Variants in RIC8B observed in about 807,000 individuals in gnomAD.
RIC8B encodes chaperone Ric-8B.
A neutral mutation model predicts 57.5 loss-of-function variants in RIC8B; 16 were observed. The ratio of observed to expected loss-of-function variants is 0.28; its 90% CI spans 0.19 to 0.42. The LOEUF is 0.42. Ranked by LOEUF, RIC8B falls within the 10% of genes least tolerant of loss-of-function variation. The pLI is 1.00. For synonymous variants in RIC8B, 216 were observed against 250.8 expected (o/e 0.86, Z 1.31); for missense variants, 481 against 677.0 (o/e 0.71, Z 3.21).
chr12:106,883,175 T>C (rs1479903676), intron 9 of RIC8B, among the ~76,000 whole-genome samples: 2 of 152,034 alleles, frequency 1.3e-5, no homozygotes, highest in Non-Finnish European at 2.9e-5. Flanking sequence ...CCAATCCTAC[T>C]TTTACCTATC....
At chr12:106,783,087 C>T (rs1389326932) in intron 1 of RIC8B, among the ~76,000 whole-genome samples, 2 of 152,216 alleles carry the variant, frequency 1.3e-5, no homozygotes, top group Non-Finnish European at 2.9e-5. Context: ...CCCTCTACTT[C>T]AGCTACAGAG....
chr12:106,869,495 A>T (rs1017536485), intron 8 of RIC8B, among the ~76,000 whole-genome samples: 2 of 151,128 alleles, frequency 1.3e-5, no homozygotes, highest in African/African-American at 4.9e-5. Flanking sequence ...GTTGATCTCA[A>T]TCTCCCAACA....
intron 9 of RIC8B, among the ~76,000 whole-genome samples, chr12:106,885,689 T>C (rs1440228943): frequency 1.3e-5 from 2 of 152,164 alleles, no homozygotes; most frequent in African/African-American, 2.4e-5. Flanking sequence ...GTTTGGCCTG[T>C]GTGAATGAAG....
At chr12:106,861,651 C>A (rs1037237309) in intron 8 of RIC8B, among the ~76,000 whole-genome samples, 1 of 152,056 alleles carries the variant, frequency 6.6e-6, no homozygotes, top group Non-Finnish European at 1.5e-5. Context: ...ATAGAGGAAT[C>A]CTGCTTCTTT....
chr12:106,848,172 T>C (rs1373446217), intron 6 of RIC8B, among the ~76,000 whole-genome samples: 2 of 152,162 alleles, frequency 1.3e-5, no homozygotes, highest in African/African-American at 4.8e-5. Context: ...CATGCAAGTT[T>C]CTAGAAAAAG....
intron 2 of RIC8B, among the ~76,000 whole-genome samples, chr12:106,807,337 T>G (rs537318447): frequency 5.9e-5 from 9 of 152,376 alleles, no homozygotes; most frequent in Admixed American, 2.0e-4. Flanking sequence ...AAGTAATAGT[T>G]CTGAGATAAT....
At chr12:106,848,489 A>C (rs532586776) in intron 6 of RIC8B, among the ~76,000 whole-genome samples, 1 of 152,342 alleles carries the variant, frequency 6.6e-6, no homozygotes, top group Admixed American at 6.5e-5. Context: ...AGTGACCAGC[A>C]TGGAAGCAGA....
At chr12:106,814,498 G>A (rs1486495969) in intron 2 of RIC8B, among the ~76,000 whole-genome samples, 198 bp from the exon 3 acceptor site, 1 of 152,194 alleles carries the variant, frequency 6.6e-6, no homozygotes, top group African/African-American at 2.4e-5. Context: ...GAAGGGAACA[G>A]CTATGATTCA....
chr12:106,847,301 G>T (rs996832042), intron 6 of RIC8B, among the ~76,000 whole-genome samples: 3 of 152,066 alleles, frequency 2.0e-5, no homozygotes, highest in African/African-American at 7.2e-5. Flanking sequence ...ACAAAATTTT[G>T]TTAAAAATTT....
At chr12:106,877,676 T>C (rs1008294511) in intron 9 of RIC8B, among the ~76,000 whole-genome samples, 1 of 152,192 alleles carries the variant, frequency 6.6e-6, no homozygotes, top group African/African-American at 2.4e-5. Context: ...ATACATGTGA[T>C]CACATTAATA....
intron 4 of RIC8B, among the ~76,000 whole-genome samples, chr12:106,831,061 T>C (rs761005905): frequency 3.9e-5 from 6 of 152,200 alleles, no homozygotes; most frequent in Non-Finnish European, 8.8e-5. Context: ...TATCTCTAAG[T>C]CCTCTTATAG....
At chr12:106,881,144 A>T (rs565066118) in intron 9 of RIC8B, among the ~76,000 whole-genome samples, 4 of 152,152 alleles carry the variant, frequency 2.6e-5, no homozygotes, top group Non-Finnish European at 4.4e-5. Flanking sequence ...TCTTTTTAAA[A>T]TATCAGAGCA....
rs1294505252 is a variant in RIC8B at position 106,870,930 on chromosome 12, A to G, written c.1559A>G (p.Asp520Gly). 6.5e-7 allele frequency: 1 copy of G among 1,549,692 alleles called. No individual in the cohort carries two copies. Among genetic ancestry groups the G allele is most frequent in the African/African-American group, 1.4e-5 (1 of 73,112 alleles). ...YEAMKLVNML[D>G]KLSREELLKP... ...GCCATGAAACTTGTCAACATGCTTG[A>G]TAAACTTTCCAGGTATTGTATTCCC... The change falls in exon 9 of 10, where the codon GAT (aspartate) becomes GGT (glycine). Residue 520 changes from aspartate (D) to glycine (G), a missense_variant. Physicochemically the swap from Asp to Gly is moderately conservative, Grantham distance 94. Transcript: ENST00000392837.
intron 2 of RIC8B, among the ~76,000 whole-genome samples, chr12:106,785,255 G>C (rs986209643): frequency 1.3e-5 from 2 of 151,988 alleles, no homozygotes; most frequent in African/African-American, 2.4e-5. Flanking sequence ...TCTGTTTCTT[G>C]CTTACTACTT....
At chr12:106,834,883 C>T (rs556483877) in intron 4 of RIC8B, among the ~76,000 whole-genome samples, 6 of 144,362 alleles carry the variant, frequency 4.2e-5, no homozygotes, top group African/African-American at 1.6e-4. Context: ...ACTTGGGAGG[C>T]TGAGGCAGGA....
At chr12:106,798,879 CT>C (rs1254034818) in intron 2 of RIC8B, among the ~76,000 whole-genome samples, 1 of 152,108 alleles carries the variant, frequency 6.6e-6, no homozygotes, top group African/African-American at 2.4e-5. Flanking sequence ...AAATTGCTGT[CT>C]ATTGAAATTT....
intron 1 of RIC8B, among the ~76,000 whole-genome samples, chr12:106,775,694 C>T (rs1156364320): frequency 6.6e-6 from 1 of 152,192 alleles, no homozygotes; most frequent in African/African-American, 2.4e-5. Context: ...TTCCAAGAAC[C>T]GTTAGCTCTT....
In RIC8B at chr12:106,803,066, G is replaced by A. The variant is rs142624653; in HGVS notation, c.133-11630G>A. Among the ~76,000 whole-genome samples the A allele has an allele frequency of 1.8e-3, 271 of 151,798 alleles. 1 individual carries two copies. The highest frequency in any genetic ancestry group is 6.1e-3 in the African/African-American group (253 of 41,376). ...CTGTCTTTAAAAGTAAAAAAAAATA[G>A]CTGAACACAGTTAATTGGACCTCTA... On this transcript the variant is annotated intron_variant, in intron 2 of 9. Transcript: ENST00000392837.
intron 1 of RIC8B, among the ~76,000 whole-genome samples, chr12:106,778,292 C>G (rs2043585680): frequency 6.6e-6 from 1 of 152,164 alleles, no homozygotes; most frequent in South Asian, 2.1e-4. Context: ...TATATAGATT[C>G]TCATTTCCAA....
Sources: gnomAD v4.1 joint callset for allele counts (sites outside exome capture counted in the v4.1 genomes callset) on GRCh38, gnomAD v4.1.1 for gene constraint, MANE v1.5 for transcripts, NCBI Gene and HGNC (gene_info 2026-07-23, HGNC 2026-07-21) for gene names.